Variants in ARHGAP26 observed in about 807,000 individuals in gnomAD.
ARHGAP26 encodes rho GTPase-activating protein 26.
Under a neutral mutation model 104.8 loss-of-function variants are expected in ARHGAP26, and 38 were observed. That is an observed-to-expected ratio of 0.36 (90% CI 0.28 to 0.48). The LOEUF (loss-of-function observed/expected upper bound fraction) is 0.48. Among genes scored for constraint, ARHGAP26 ranks in the 20% least tolerant of loss-of-function variants. The pLI, the probability that ARHGAP26 is intolerant of heterozygous loss-of-function variation, is 0.99. For synonymous variants in ARHGAP26, 341 were observed against 340.0 expected (o/e 1.00, Z -0.03); for missense variants, 704 against 947.9 (o/e 0.74, Z 3.38).
intron 1 of ARHGAP26, among the ~76,000 whole-genome samples, chr5:142,818,859 G>T (rs889616957): frequency 3.9e-5 from 6 of 152,068 alleles, no homozygotes; most frequent in African/African-American, 1.4e-4. Flanking sequence ...AATGTGGAGG[G>T]GACCCACATT....
At chr5:143,106,197 T>C (rs1386939309) in intron 17 of ARHGAP26, among the ~76,000 whole-genome samples, 1 of 152,166 alleles carries the variant, frequency 6.6e-6, no homozygotes, top group Admixed American at 6.5e-5. Context: ...TTGATGTAAA[T>C]TTCTGGAAGA....
chr5:143,011,244 C>T (rs553205492), intron 11 of ARHGAP26, among the ~76,000 whole-genome samples: 7 of 151,594 alleles, frequency 4.6e-5, no homozygotes, highest in Admixed American at 2.0e-4. Flanking sequence ...TCAGGCCTGG[C>T]GCAAACGTCA....
intron 12 of ARHGAP26, among the ~76,000 whole-genome samples, chr5:143,036,630 T>C (rs1782680465): frequency 4.6e-5 from 7 of 152,222 alleles, no homozygotes; most frequent in Admixed American, 4.6e-4. Flanking sequence ...TTTGATGGTA[T>C]GGGCTCTAGA....
chr5:143,054,688 T>A (rs1785538431), intron 15 of ARHGAP26, among the ~76,000 whole-genome samples, 162 bp downstream of exon 15: 1 of 152,232 alleles, frequency 6.6e-6, no homozygotes, highest in African/African-American at 2.4e-5. Context: ...AAACCAATCG[T>A]AAATCATCCA....
intron 14 of ARHGAP26, among the ~76,000 whole-genome samples, chr5:143,051,061 GT>G (rs567194631): frequency 2.3e-4 from 35 of 151,016 alleles, no homozygotes; most frequent in Middle Eastern, 3.4e-3. Flanking sequence ...ATGTATATCT[GT>G]TTTTTTTTCT....
At chr5:142,974,714 C>A (rs924302793) in intron 11 of ARHGAP26, among the ~76,000 whole-genome samples, 4 of 152,214 alleles carry the variant, frequency 2.6e-5, no homozygotes, top group Non-Finnish European at 5.9e-5. Flanking sequence ...GTCTTCACAT[C>A]AGTAATACTG....
At chr5:142,786,389 T>C (rs1758635100) in intron 1 of ARHGAP26, among the ~76,000 whole-genome samples, 1 of 152,164 alleles carries the variant, frequency 6.6e-6, no homozygotes, top group South Asian at 2.1e-4. Flanking sequence ...CTCGGACTCC[T>C]GGACTCAAGT....
At chr5:142,898,660 C>T (rs1378093978) in intron 6 of ARHGAP26, among the ~76,000 whole-genome samples, 1 of 152,194 alleles carries the variant, frequency 6.6e-6, no homozygotes, top group African/African-American at 2.4e-5. Flanking sequence ...TGACAGCACT[C>T]CTGTGCTAAG....
intron 12 of ARHGAP26, among the ~76,000 whole-genome samples, chr5:143,017,774 C>T (rs866130067): frequency 6.6e-6 from 1 of 152,162 alleles, no homozygotes; most frequent in African/African-American, 2.4e-5. Context: ...GAGATGTACT[C>T]CATCTTCTCA....
intron 11 of ARHGAP26, among the ~76,000 whole-genome samples, chr5:142,970,501 T>C (rs1182152474): frequency 6.6e-6 from 1 of 152,214 alleles, no homozygotes; most frequent in Non-Finnish European, 1.5e-5. Context: ...TCCAACCTCA[T>C]ATCACCCTTA....
chr5:143,110,164 C>G (rs1354818186), intron 17 of ARHGAP26, among the ~76,000 whole-genome samples: 4 of 152,232 alleles, frequency 2.6e-5, no homozygotes, highest in South Asian at 2.1e-4. Flanking sequence ...AACATTTCCT[C>G]TATACTCCCC....
At chr5:142,991,921 C>T (rs1196810455) in intron 11 of ARHGAP26, among the ~76,000 whole-genome samples, 2 of 152,170 alleles carry the variant, frequency 1.3e-5, no homozygotes, top group Non-Finnish European at 2.9e-5. Flanking sequence ...GAAGACTGTG[C>T]CAATTTATAC....
At chr5:142,785,853 C>T (rs1758469792) in intron 1 of ARHGAP26, among the ~76,000 whole-genome samples, 1 of 151,968 alleles carries the variant, frequency 6.6e-6, no homozygotes, top group South Asian at 2.1e-4. Context: ...CATTTGCTTT[C>T]CTCCCTTCTT....
At chr5:142,978,414 A>G (rs1347877925) in intron 11 of ARHGAP26, among the ~76,000 whole-genome samples, 3 of 152,200 alleles carry the variant, frequency 2.0e-5, no homozygotes, top group Non-Finnish European at 2.9e-5. Context: ...ATACATAGCC[A>G]GGGTTGGCTG....
At chr5:142,812,447 C>T (rs185185983) in intron 1 of ARHGAP26, among the ~76,000 whole-genome samples, 4 of 151,890 alleles carry the variant, frequency 2.6e-5, no homozygotes, top group Admixed American at 2.0e-4. Flanking sequence ...AAGCAATTCT[C>T]GTGCCTCAGC....
chr5:142,816,026 G>A (rs1002409317), intron 1 of ARHGAP26, among the ~76,000 whole-genome samples: 1 of 151,750 alleles, frequency 6.6e-6, no homozygotes, highest in African/African-American at 2.4e-5. Flanking sequence ...TCAAACTCCT[G>A]GGCTGAAGCC....
At chr5:143,045,690 A>G (rs1159780711) in intron 14 of ARHGAP26, among the ~76,000 whole-genome samples, 1 of 152,222 alleles carries the variant, frequency 6.6e-6, no homozygotes, top group Non-Finnish European at 1.5e-5. Flanking sequence ...GTGGAGTAGT[A>G]TGTTTTGGTT....
intron 1 of ARHGAP26, among the ~76,000 whole-genome samples, chr5:142,847,414 A>C (rs532335531): frequency 1.3e-5 from 2 of 151,646 alleles, no homozygotes; most frequent in African/African-American, 4.8e-5. Flanking sequence ...CTGGAGTGCA[A>C]TGGCGCGATC....
chr5:143,075,091 A>G (rs1050020166), intron 17 of ARHGAP26, among the ~76,000 whole-genome samples: 16 of 152,222 alleles, frequency 1.1e-4, no homozygotes, highest in Non-Finnish European at 1.9e-4. Flanking sequence ...CTAAAGCTGC[A>G]TGTTTTCTGT....
Sources: gnomAD v4.1 joint callset for allele counts (sites outside exome capture counted in the v4.1 genomes callset) on GRCh38, gnomAD v4.1.1 for gene constraint, MANE v1.5 for transcripts, NCBI Gene and HGNC (gene_info 2026-07-23, HGNC 2026-07-21) for gene names.